ZNF420: variants seen among roughly 807,000 people sequenced by gnomAD.
ZNF420 encodes zinc finger protein 420.
A neutral mutation model predicts 44.7 loss-of-function variants in ZNF420; 31 were observed. That is an observed-to-expected ratio of 0.69 (90% CI 0.52 to 0.94). The LOEUF (loss-of-function observed/expected upper bound fraction) is 0.94, where lower values mean the gene tolerates loss of function less well. Among genes scored for constraint, ZNF420 ranks in the 40% least tolerant of loss-of-function variants. The pLI, the probability that ZNF420 is intolerant of heterozygous loss-of-function variation, is 0.00. For missense variants in ZNF420, 681 were observed against 827.9 expected (o/e 0.82, Z 2.18); for synonymous variants, 245 against 267.4 (o/e 0.92, Z 0.82).
At chr19:37,106,819 T>C (rs529060979) in intron 4 of ZNF420, 91 of 152,046 alleles carry the variant, frequency 6.0e-4, no homozygotes, top group African/African-American at 2.2e-3. Context: ...ATCTCTACCA[T>C]CTCGGAGAGG....
chr19:37,033,650 A>G (rs749501343), intron 1 of ZNF420, among the ~76,000 whole-genome samples: 1 of 152,224 alleles, frequency 6.6e-6, no homozygotes, highest in Non-Finnish European at 1.5e-5. Flanking sequence ...ATGTTGCTAT[A>G]CACATGAATT....
In ZNF420 at chr19:37,052,052, T is replaced by C. The variant is rs868828764; in HGVS notation, c.-124-28293T>C. On this transcript the variant is annotated intron_variant, in intron 1 of 4. Transcript: ENST00000587029. ...TTTATGAATCTGGGTGCTCCTGTATTGGATGCATATATATTTAGGATAGTT... is the reference window on the plus strand; with the variant it reads ...TTTATGAATCTGGGTGCTCCTGTATCGGATGCATATATATTTAGGATAGTT... Among the ~76,000 whole-genome samples the C allele has an allele frequency of 2.3e-4, 35 of 152,332 alleles. No individual in the cohort carries two copies. The Middle Eastern group carries it at 0.017, about 74-fold the overall frequency.
rs199903253 is a variant in ZNF420 at position 37,087,282 on chromosome 19, CAAAA to C, written c.-80-1749_-80-1746del. 4.1e-5 allele frequency among the ~76,000 whole-genome samples: 5 copies of C among 121,462 alleles called. 1 individual carries two copies. The highest frequency in any genetic ancestry group is 1.7e-4 in the Admixed American group (2 of 11,496). The allele number at this position is 121,462 out of a possible 152,430, so 79.7% of individuals were successfully genotyped here. A position where few individuals can be genotyped will look rare whatever the true frequency, so the allele number is the denominator to read the frequency against. On this transcript the variant is annotated intron_variant, in intron 2 of 4. Transcript: ENST00000337995. ...CTTGGTTGAGAGTGAGACCCTGTCTCAAAAAAAAAAATAAATAAATAAATAAATA... is the reference window on the plus strand; with the variant it reads ...CTTGGTTGAGAGTGAGACCCTGTCTCAAAAAAATAAATAAATAAATAAATA...
chr19:37,072,103 C>T (rs932802073), intron 1 of ZNF420, among the ~76,000 whole-genome samples: 7 of 152,114 alleles, frequency 4.6e-5, no homozygotes, highest in Admixed American at 2.6e-4. Context: ...GAAAAACCAA[C>T]GGTTTCATTC....
At chr19:37,033,397 A>C (rs1967297741) in intron 1 of ZNF420, among the ~76,000 whole-genome samples, 1 of 152,070 alleles carries the variant, frequency 6.6e-6, no homozygotes, top group Non-Finnish European at 1.5e-5. Flanking sequence ...GGGAACCATC[A>C]TTCTACTTTT....
chr19:37,067,578 T>C (rs2146449773), intron 1 of ZNF420, among the ~76,000 whole-genome samples: 1 of 152,290 alleles, frequency 6.6e-6, no homozygotes, highest in Admixed American at 6.5e-5. Context: ...CATAAAATGG[T>C]GAAAATACAA....
At chr19:37,011,857 G>A (rs2074571767) in intron 1 of ZNF420, among the ~76,000 whole-genome samples, 1 of 152,116 alleles carries the variant, frequency 6.6e-6, no homozygotes, top group African/African-American at 2.4e-5. Flanking sequence ...CTGTTTGCAC[G>A]TGTACTAGAA....
chr19:37,130,079 G>A lies in ZNF420; in HGVS notation c.*1021G>A, dbSNP rs769967461. 2 of 1,550,322 alleles carry A rather than the reference G, an allele frequency of 1.3e-6. No homozygotes were observed. The highest frequency in any genetic ancestry group is 2.0e-5 in the Admixed American group (1 of 50,962). ...CAAGATAGAAGTGATATTTATATGA[G>A]TAGGAGATTTACGAAATCCATTTTT... On this transcript the variant is annotated 3_prime_UTR_variant, in exon 5 of 5. Transcript: ENST00000337995.
intron 1 of ZNF420, among the ~76,000 whole-genome samples, chr19:37,069,518 C>T (rs1005397221): frequency 6.6e-5 from 10 of 152,084 alleles, no homozygotes; most frequent in African/African-American, 2.4e-4. Context: ...CCAAGCATGA[C>T]AGCTTAGCAT....
intron 4 of ZNF420, among the ~76,000 whole-genome samples, chr19:37,118,176 T>A (rs1485532406): frequency 1.3e-5 from 2 of 152,156 alleles, no homozygotes; most frequent in Admixed American, 6.5e-5. Flanking sequence ...AATTGTCAGA[T>A]TCACCAAAGT....
chr19:37,013,780 G>A (rs575928678), intron 1 of ZNF420, among the ~76,000 whole-genome samples: 80 of 152,244 alleles, frequency 5.3e-4, no homozygotes, highest in African/African-American at 1.9e-3. Context: ...GGCCTTCTCT[G>A]GTTTCCAAAA....
intron 4 of ZNF420, among the ~76,000 whole-genome samples, chr19:37,120,595 T>C (rs1358064286): frequency 2.0e-5 from 3 of 152,166 alleles, no homozygotes; most frequent in Non-Finnish European, 4.4e-5. Flanking sequence ...ACCACTCCTA[T>C]TCAACATAGT....
At position 37,091,028 on chromosome 19, in the gene ZNF420, TTC is replaced by T; in HGVS notation, c.48_49del (p.Gln17GlyfsTer15). The T allele has an allele frequency of 1.2e-6, 2 of 1,613,568 alleles. No individual in the cohort carries two copies. The highest frequency in any genetic ancestry group is 1.7e-6 in the Non-Finnish European group (2 of 1,179,832). On this transcript the variant is annotated frameshift_variant, in exon 4 of 5. Coordinates refer to ENST00000337995, the MANE Select transcript of ZNF420 (RefSeq NM_144689.5). LOFTEE classifies it high-confidence loss of function. ...GATGTTCAGGGATGTTGCCATTGAC[TTC>T]TCTCAGGAAGAGTGGGAATGCCTGG... ...LVMFRDVAID[F>X]SQEEWECLDS...
At chr19:37,059,707 G>C (rs1967834476) in intron 1 of ZNF420, among the ~76,000 whole-genome samples, 2 of 152,174 alleles carry the variant, frequency 1.3e-5, no homozygotes. Flanking sequence ...TCTCACCTGA[G>C]GGTCGTTCTT....
chr19:37,056,338 T>C (rs1967753716), intron 1 of ZNF420, among the ~76,000 whole-genome samples: 2 of 152,154 alleles, frequency 1.3e-5, no homozygotes, highest in South Asian at 4.1e-4. Context: ...AGGTCACCTG[T>C]GCCCCCCTTC....
intron 1 of ZNF420, among the ~76,000 whole-genome samples, chr19:37,008,363 G>T (rs1364639961): frequency 6.6e-6 from 1 of 152,176 alleles, no homozygotes; most frequent in Non-Finnish European, 1.5e-5. Flanking sequence ...GTGCGCCAAA[G>T]GGCAATTTCT....
At chr19:37,084,141 A>G (rs1350967334) in intron 2 of ZNF420, among the ~76,000 whole-genome samples, 3 of 152,168 alleles carry the variant, frequency 2.0e-5, no homozygotes, top group Non-Finnish European at 4.4e-5. Context: ...TAACTACTGA[A>G]AAACTCTAAG....
rs141695831 is a variant in ZNF420 at position 37,059,380 on chromosome 19, A to G, written c.-124-20965A>G. The stretch of plus-strand genomic sequence containing the variant: ...TCAACCCCGCCAATGCGCATGCGCG[A>G]GGCGCGAGCGGATTCTCACCGTTGT... On this transcript the variant is annotated intron_variant, in intron 1 of 4. Transcript: ENST00000587029. Among the ~76,000 whole-genome samples, 504 of 152,334 alleles carry G rather than the reference A, an allele frequency of 3.3e-3. 5 individuals are homozygous for G. The highest frequency in any genetic ancestry group is 0.012 in the African/African-American group (481 of 41,594).
intron 1 of ZNF420, among the ~76,000 whole-genome samples, chr19:37,054,233 CT>C (rs1967700132): frequency 6.6e-6 from 1 of 152,208 alleles, no homozygotes. Flanking sequence ...GTGGAGTGAT[CT>C]GATTTTCCAG....
Sources: gnomAD v4.1 joint callset for allele counts (sites outside exome capture counted in the v4.1 genomes callset) on GRCh38, gnomAD v4.1.1 for gene constraint, MANE v1.5 for transcripts, NCBI Gene and HGNC (gene_info 2026-07-23, HGNC 2026-07-21) for gene names.